DHDDS: variants seen among roughly 807,000 people sequenced by gnomAD.
DHDDS encodes dehydrodolichyl diphosphate synthase subunit, also known as dehydrodolichyl diphosphate synthase complex subunit DHDDS.
DHDDS carries 16 observed loss-of-function variants against 46.2 expected under a neutral mutation model. That is an observed-to-expected ratio of 0.35 (90% CI 0.23 to 0.53). The LOEUF is 0.53. Ranked by LOEUF, DHDDS falls within the 20% of genes least tolerant of loss-of-function variation. DHDDS has a pLI of 0.94. For missense variants in DHDDS, 340 were observed against 423.7 expected (o/e 0.80, Z 1.73); for synonymous variants, 151 against 163.1 (o/e 0.93, Z 0.56).
rs767843924 is a variant in DHDDS, at chr1:26,469,242, T to G, written c.*111T>G. 8.8e-6 allele frequency: 14 copies of G among 1,587,230 alleles called. No homozygotes were observed. Among genetic ancestry groups the G allele is most frequent in the Non-Finnish European group, 1.0e-5 (12 of 1,172,548 alleles). On this transcript the variant is annotated 3_prime_UTR_variant, in exon 9 of 9. Coordinates refer to ENST00000236342, the MANE Select transcript of DHDDS (RefSeq NM_205861.3). ...TTCCTGATAATGAATGGTGTTCCCT[T>G]TGCTTGGCTGGGGAGCCCCCCAGGC...
chr1:26,468,812 C>CCCCCCCCCCAACCACCT, intron 8 of DHDDS, 83 bp from the exon 9 acceptor site: 1 of 601,120 alleles, frequency 1.7e-6, no homozygotes. Context: ...CCACCCTGTG[C>CCCCCCCCCCAACCACCT]CCCACCCCCT....
At chr1:26,450,269 A>G (rs2075307045) in intron 6 of DHDDS, among the ~76,000 whole-genome samples, 1 of 152,182 alleles carries the variant, frequency 6.6e-6, no homozygotes, top group Non-Finnish European at 1.5e-5. Context: ...GAGCCTCTCA[A>G]GTACCCAGTA....
intron 7 of DHDDS, among the ~76,000 whole-genome samples, chr1:26,459,759 A>G (rs994113324): frequency 6.6e-6 from 1 of 152,234 alleles, no homozygotes; most frequent in Non-Finnish European, 1.5e-5. Flanking sequence ...TAGTCCTAAA[A>G]TTGGCTCTTA....
At chr1:26,442,145 C>T (rs1293178691) in intron 3 of DHDDS, among the ~76,000 whole-genome samples, 1 of 152,172 alleles carries the variant, frequency 6.6e-6, no homozygotes, top group African/African-American at 2.4e-5. Flanking sequence ...GGCATGAAAA[C>T]AGTAGTGTCA....
At chr1:26,444,124 C>G (rs2075244568) in intron 4 of DHDDS, among the ~76,000 whole-genome samples, 1 of 152,154 alleles carries the variant, frequency 6.6e-6, no homozygotes, top group Non-Finnish European at 1.5e-5. Flanking sequence ...AAGATCAAAA[C>G]GCATGGCAGA....
chr1:26,442,924 A>T lies in DHDDS; in HGVS notation c.323+51A>T. Reference sequence around the variant, plus strand: ...ATGTTCTTCCACCACCCCCAGCCTTATCCTAACCCTTGAAATTCTGTTATC... The same window carrying T: ...ATGTTCTTCCACCACCCCCAGCCTTTTCCTAACCCTTGAAATTCTGTTATC... On this transcript the variant is annotated intron_variant, in intron 4 of 8. Transcript: ENST00000236342. 3.1e-6 allele frequency: 5 copies of T among 1,612,764 alleles called. No individual in the cohort carries two copies. The South Asian group carries it at 3.3e-5, about 11-fold the overall frequency.
intron 6 of DHDDS, among the ~76,000 whole-genome samples, chr1:26,450,153 C>G (rs1357623309): frequency 1.3e-5 from 2 of 152,054 alleles, no homozygotes; most frequent in Non-Finnish European, 2.9e-5. Flanking sequence ...GTCTGTCTGT[C>G]TATCTGTGTA....
Position 26,469,271 on chromosome 1 carries a change from G to C in DHDDS, c.*140G>C. On this transcript the variant is annotated 3_prime_UTR_variant, in exon 9 of 9. Coordinates refer to ENST00000236342, the MANE Select transcript of DHDDS (RefSeq NM_205861.3). ...TTGGCTGGGGAGCCCCCCAGGCCAGGTTTGCTGGCCATAGATACCTTTGGG... is the reference window on the plus strand; with the variant it reads ...TTGGCTGGGGAGCCCCCCAGGCCAGCTTTGCTGGCCATAGATACCTTTGGG... 6.6e-7 allele frequency: 1 copy of C among 1,514,054 alleles called. No homozygotes were observed. The highest frequency in any genetic ancestry group is 8.9e-7 in the Non-Finnish European group (1 of 1,118,384). The allele number at this position is 1,514,054 out of a possible 1,614,324, so 93.8% of individuals were successfully genotyped here.
intron 6 of DHDDS, among the ~76,000 whole-genome samples, chr1:26,451,631 CTT>C (rs201092863): frequency 7.7e-5 from 10 of 129,912 alleles, no homozygotes; most frequent in Admixed American, 7.7e-5. Context: ...ATTTTTTTTT[CTT>C]TTTTTTTTTT....
intron 2 of DHDDS, among the ~76,000 whole-genome samples, chr1:26,437,666 G>T (rs1415009118): frequency 2.2e-4 from 33 of 152,134 alleles, no homozygotes. Context: ...AGTAGAGACT[G>T]GGTTTCGCCA....
At chr1:26,454,243 G>T (rs2075349376) in intron 6 of DHDDS, among the ~76,000 whole-genome samples, 1 of 152,066 alleles carries the variant, frequency 6.6e-6, no homozygotes, top group African/African-American at 2.4e-5. Flanking sequence ...GTGAGCCACC[G>T]CGCCTGGCCA....
At chr1:26,453,049 G>A (rs997014935) in intron 6 of DHDDS, among the ~76,000 whole-genome samples, 5 of 151,926 alleles carry the variant, frequency 3.3e-5, no homozygotes, top group East Asian at 1.9e-4. Flanking sequence ...CTATGGTTGC[G>A]CCATTGCTCT....
Position 26,438,202 on chromosome 1 carries a change from TG to T in DHDDS, c.100del (p.Asp34ThrfsTer25), listed in dbSNP as rs2075181080. ...ATGCCGAAACACATTGCATTCATAATGGACGGGAACCGTCGCTATGCCAAGA... is the reference window on the plus strand; with the variant it reads ...ATGCCGAAACACATTGCATTCATAATGACGGGAACCGTCGCTATGCCAAGA... ...GPMPKHIAFIMDGNRRYAKKC... is the reference protein window; with the variant it reads ...GPMPKHIAFIXDGNRRYAKKC... On this transcript the variant is annotated frameshift_variant, in exon 3 of 9. Transcript: ENST00000236342. LOFTEE classifies it high-confidence loss of function. The T allele has an allele frequency of 6.2e-7, 1 of 1,613,924 alleles. No homozygotes were observed. The highest frequency in any genetic ancestry group is 1.3e-5 in the African/African-American group (1 of 74,942).
intron 8 of DHDDS, chr1:26,467,230 A>G (rs1388939926): frequency 6.9e-6 from 3 of 436,920 alleles, no homozygotes; most frequent in Admixed American, 2.6e-5. Context: ...GCCTGTAAGC[A>G]CCTGGATTGC....
At chr1:26,436,160 G>GGCCAA (rs1245159676) in intron 2 of DHDDS, among the ~76,000 whole-genome samples, 2 of 152,026 alleles carry the variant, frequency 1.3e-5, no homozygotes, top group Non-Finnish European at 2.9e-5. Flanking sequence ...CACTTTGGGA[G>GGCCAA]GCCAAATCGA....
At chr1:26,459,116 C>G (rs920102885) in intron 7 of DHDDS, among the ~76,000 whole-genome samples, 1 of 152,212 alleles carries the variant, frequency 6.6e-6, no homozygotes, top group Non-Finnish European at 1.5e-5. Flanking sequence ...CTAGCAAAGA[C>G]AAACTCTGAA....
intron 4 of DHDDS, among the ~76,000 whole-genome samples, chr1:26,445,892 G>A (rs2075263049): frequency 6.6e-6 from 1 of 151,426 alleles, no homozygotes; most frequent in East Asian, 2.0e-4. Flanking sequence ...GCCTGGTGGT[G>A]GGCACCTGTA....
intron 2 of DHDDS, among the ~76,000 whole-genome samples, chr1:26,437,451 G>A: frequency 6.6e-6 from 1 of 151,086 alleles, no homozygotes; most frequent in East Asian, 2.0e-4. Context: ...TTCGAGACCT[G>A]GTTAACATAG....
At chr1:26,434,247 T>C (rs890813706) in intron 2 of DHDDS, among the ~76,000 whole-genome samples, 25 of 152,244 alleles carry the variant, frequency 1.6e-4, no homozygotes, top group Admixed American at 6.5e-5. Context: ...AGCAATATTA[T>C]ATCTGCCTAA....
Sources: gnomAD v4.1 joint callset for allele counts (sites outside exome capture counted in the v4.1 genomes callset) on GRCh38, gnomAD v4.1.1 for gene constraint, MANE v1.5 for transcripts, NCBI Gene and HGNC (gene_info 2026-07-23, HGNC 2026-07-21) for gene names.